AASS: variants seen among roughly 807,000 people sequenced by gnomAD.
AASS encodes alpha-aminoadipic semialdehyde synthase, mitochondrial.
In AASS, 86 loss-of-function variants were observed where a neutral mutation model predicts 105.4. That is an observed-to-expected ratio of 0.82 (90% CI 0.69 to 0.98). The LOEUF (loss-of-function observed/expected upper bound fraction) is 0.98. Ranked by LOEUF, AASS falls within the 50% of genes least tolerant of loss-of-function variation. The pLI is 0.00. For missense variants in AASS, 1,048 were observed against 1,143.2 expected, an observed-to-expected ratio of 0.92 and a Z score of 1.20; for synonymous variants, 381 against 394.8, an observed-to-expected ratio of 0.96 and a Z score of 0.41.
At chr7:122,079,420 C>A in intron 21 of AASS, 177 bp downstream of exon 21, 2 of 1,205,956 alleles carry the variant, frequency 1.7e-6, no homozygotes, top group South Asian at 1.5e-5. Context: ...TGCCATTGAG[C>A]TCCTCTCTTT....
At chr7:122,116,261 G>A (rs1286432788) in intron 8 of AASS, among the ~76,000 whole-genome samples, 1 of 152,156 alleles carries the variant, frequency 6.6e-6, no homozygotes, top group Non-Finnish European at 1.5e-5. Flanking sequence ...GATTATGGTT[G>A]CAATTTGCGG....
intron 1 of AASS, among the ~76,000 whole-genome samples, chr7:122,143,617 A>G (rs1388167819): frequency 6.6e-6 from 1 of 151,810 alleles, no homozygotes; most frequent in Non-Finnish European, 1.5e-5. Context: ...GAGAGTGGGC[A>G]GCCCAAGATG....
rs1288271666 is a variant in AASS at position 122,075,794 on chromosome 7, AC to A, written c.*694del. On this transcript the variant is annotated 3_prime_UTR_variant, in exon 24 of 24. Transcript: ENST00000417368. ...TATTTACAAAATAAATCATAACTTT[AC>A]AAAAAGGGCATAAAATAGCATTTTG... 1 of 152,206 alleles carries A rather than the reference AC, an allele frequency of 6.6e-6. No individual in the cohort carries two copies. The highest frequency in any genetic ancestry group is 2.4e-5 in the African/African-American group (1 of 41,456). The allele number at this position is 152,206 out of a possible 1,614,324, so 9.4% of individuals were successfully genotyped here.
chr7:122,101,861 C>T (rs1172874404), intron 11 of AASS, among the ~76,000 whole-genome samples, 181 bp from the exon 12 acceptor site: 1 of 151,850 alleles, frequency 6.6e-6, no homozygotes, highest in Non-Finnish European at 1.5e-5. Context: ...ACTCTGCCCA[C>T]AAGACTATGG....
At chr7:122,136,846 T>A (rs1453951813) in intron 1 of AASS, among the ~76,000 whole-genome samples, 1 of 152,114 alleles carries the variant, frequency 6.6e-6, no homozygotes, top group East Asian at 1.9e-4. Flanking sequence ...CATCCCTCAC[T>A]CAGTAATAAT....
chr7:122,078,288 A>C (rs1487524285), intron 22 of AASS, among the ~76,000 whole-genome samples: 5 of 152,062 alleles, frequency 3.3e-5, no homozygotes, highest in Admixed American at 1.3e-4. Context: ...TGCTCCAAAA[A>C]TGCTTCTTTG....
intron 4 of AASS, among the ~76,000 whole-genome samples, chr7:122,122,954 T>C (rs549163606): frequency 6.6e-6 from 1 of 152,316 alleles, no homozygotes; most frequent in African/African-American, 2.4e-5. Context: ...TAAGCTTTTA[T>C]AGGAATGAAT....
intron 11 of AASS, among the ~76,000 whole-genome samples, chr7:122,110,652 C>G (rs1036184249): frequency 6.6e-6 from 1 of 151,722 alleles, no homozygotes; most frequent in African/African-American, 2.4e-5. Flanking sequence ...AATATCCAAA[C>G]CTGACAAAGA....
intron 18 of AASS, among the ~76,000 whole-genome samples, chr7:122,088,516 T>C (rs1318208483): frequency 6.6e-6 from 1 of 152,088 alleles, no homozygotes; most frequent in Non-Finnish European, 1.5e-5. Context: ...CCCTTAATCA[T>C]GCTTATTTCT....
chr7:122,082,588 GTTATA>G (rs1430155757), intron 19 of AASS, among the ~76,000 whole-genome samples: 1 of 152,136 alleles, frequency 6.6e-6, no homozygotes, highest in Non-Finnish European at 1.5e-5. Flanking sequence ...TTTATATTAT[GTTATA>G]TTATATTTTA....
Position 122,116,918 on chromosome 7 carries a change from C to A in AASS, c.727G>T (p.Val243Leu). The change falls in exon 7 of 24, where the codon GTG becomes TTG. Residue 243 changes from valine to leucine, a missense_variant. Transcript: ENST00000417368. ...ACTTCTTTTAATTCATGGGGCTCCA[C>A]ATATTCACAAGGTAGCTCATTAAAG... ...AIFNELPCEY[V>L]EPHELKEVSQ... is the part of the protein sequence containing the mutation. 1 of 1,614,006 alleles carries A rather than the reference C, an allele frequency of 6.2e-7. No homozygotes were observed. The highest frequency in any genetic ancestry group is 8.5e-7 in the Non-Finnish European group (1 of 1,179,982).
chr7:122,101,586 T>C, intron 12 of AASS, 35 bp downstream of exon 12: 1 of 1,576,426 alleles, frequency 6.3e-7, no homozygotes, highest in Non-Finnish European at 8.7e-7. Context: ...AGTAAAAAAA[T>C]ACATTTATGA....
intron 1 of AASS, among the ~76,000 whole-genome samples, chr7:122,136,678 C>A (rs1385232793): frequency 6.6e-6 from 1 of 152,170 alleles, no homozygotes; most frequent in Non-Finnish European, 1.5e-5. Flanking sequence ...CAGAAACCAT[C>A]CCATCTTCCC....
intron 19 of AASS, among the ~76,000 whole-genome samples, chr7:122,085,574 T>C (rs991618109): frequency 2.6e-5 from 4 of 152,114 alleles, no homozygotes; most frequent in Admixed American, 6.6e-5. Flanking sequence ...TTTATCCCAC[T>C]GACCTTAGGG....
chr7:122,126,541 T>G (rs548220788), intron 3 of AASS, 82 bp from the exon 4 acceptor site: 37 of 1,127,312 alleles, frequency 3.3e-5, no homozygotes, highest in Admixed American at 1.4e-4. Flanking sequence ...CAAGTAAATA[T>G]TTCACATTTT....
intron 15 of AASS, among the ~76,000 whole-genome samples, chr7:122,097,066 A>T (rs1419553357): frequency 6.6e-6 from 1 of 152,124 alleles, no homozygotes; most frequent in East Asian, 1.9e-4. Flanking sequence ...ACATTTATAT[A>T]AATTGAGTAA....
rs527584248 is a variant in AASS, at chr7:122,103,576, T to C, written c.1279-1896A>G. Among the ~76,000 whole-genome samples, 130 of 152,094 alleles carry C rather than the reference T, an allele frequency of 8.5e-4. 1 individual carries two copies. The highest frequency in any genetic ancestry group is 3.0e-3 in the African/African-American group (124 of 41,488). On this transcript the variant is annotated intron_variant, in intron 11 of 23. Coordinates refer to ENST00000417368, the MANE Select transcript of AASS (RefSeq NM_005763.4). ...AATCCAGAATACCCTGATACTACTATGGCACTCTGCAAAACATAGGTATAT... is the reference window on the plus strand; with the variant it reads ...AATCCAGAATACCCTGATACTACTACGGCACTCTGCAAAACATAGGTATAT...
At chr7:122,124,833 A>C (rs530968610) in intron 4 of AASS, among the ~76,000 whole-genome samples, 1 of 152,172 alleles carries the variant, frequency 6.6e-6, no homozygotes, top group African/African-American at 2.4e-5. Context: ...CTGCTTTTAT[A>C]CTAAGAAATT....
chr7:122,074,690 T>G lies in AASS; in HGVS notation c.*1799A>C, dbSNP rs1271524627. On this transcript the variant is annotated 3_prime_UTR_variant, in exon 24 of 24. Transcript: ENST00000417368. Reference sequence around the variant, plus strand: ...AGGAGTCCAATTTCATTATTTTGCATGTGGATATCCATGTTTCCAAGCATC... The same window carrying G: ...AGGAGTCCAATTTCATTATTTTGCAGGTGGATATCCATGTTTCCAAGCATC... Among the ~76,000 whole-genome samples the G allele has an allele frequency of 6.6e-6, 1 of 152,168 alleles. No individual in the cohort carries two copies. The highest frequency in any genetic ancestry group is 1.5e-5 in the Non-Finnish European group (1 of 68,026).
Sources: gnomAD v4.1 joint callset for allele counts (sites outside exome capture counted in the v4.1 genomes callset) on GRCh38, gnomAD v4.1.1 for gene constraint, MANE v1.5 for transcripts, NCBI Gene and HGNC (gene_info 2026-07-23, HGNC 2026-07-21) for gene names.